The following PDE4B variants were observed in gnomAD, a reference collection of about 807,000 sequenced individuals.
PDE4B encodes phosphodiesterase 4B.
PDE4B carries 20 observed loss-of-function variants against 82.2 expected under a neutral mutation model. The ratio of observed to expected loss-of-function variants is 0.24; its 90% CI spans 0.17 to 0.35. The LOEUF is 0.35. PDE4B is among the 10% of genes least tolerant of loss of function. The probability of loss-of-function intolerance (pLI) is 1.00; values close to 1 mark genes in which losing one functional copy is unlikely to be tolerated. For synonymous variants in PDE4B, 320 were observed against 318.9 expected, an observed-to-expected ratio of 1.00 and a Z score of -0.04; for missense variants, 655 against 907.2, an observed-to-expected ratio of 0.72 and a Z score of 3.57.
At chr1:65,811,757 TTAA>T (rs1358696793) in intron 1 of PDE4B, among the ~76,000 whole-genome samples, 1 of 152,162 alleles carries the variant, frequency 6.6e-6, no homozygotes, top group Non-Finnish European at 1.5e-5. Flanking sequence ...AATATTAATA[TTAA>T]TGATAGTAAG....
intron 3 of PDE4B, among the ~76,000 whole-genome samples, chr1:66,014,384 T>C (rs1284371807): frequency 1.6e-4 from 24 of 152,140 alleles, no homozygotes; most frequent in Admixed American, 1.5e-3. Context: ...GTCATGAACC[T>C]TTTCCCCTAT....
intron 4 of PDE4B, among the ~76,000 whole-genome samples, chr1:66,253,520 A>G (rs767661920): frequency 3.3e-5 from 5 of 152,222 alleles, no homozygotes; most frequent in Non-Finnish European, 7.3e-5. Flanking sequence ...TGCTCTTGCA[A>G]TGCAATGATT....
chr1:66,298,425 TG>T (rs150637812), intron 7 of PDE4B, among the ~76,000 whole-genome samples: 4 of 152,324 alleles, frequency 2.6e-5, no homozygotes, highest in East Asian at 1.9e-4. Flanking sequence ...TTGTCATTTC[TG>T]GAACCCCTAC....
At position 66,369,934 on chromosome 1, in the gene PDE4B, G is replaced by A. The variant is rs141902398; in HGVS notation, c.1845+965G>A. ...AGGCTGAGGTGGACGGATCACCTGA[G>A]GTCAGGAGTTCAAAACCAGCCTGGC... On this transcript the variant is annotated intron_variant, in intron 16 of 16. Coordinates refer to ENST00000341517, the MANE Select transcript of PDE4B (RefSeq NM_002600.4). 7.5e-3 allele frequency among the ~76,000 whole-genome samples: 1,142 copies of A among 152,018 alleles called. 14 individuals carry two copies. The highest frequency in any genetic ancestry group is 0.026 in the African/African-American group (1,087 of 41,458).
intron 9 of PDE4B, among the ~76,000 whole-genome samples, chr1:66,361,329 TG>T (rs767927165): frequency 2.6e-5 from 4 of 152,186 alleles, no homozygotes; most frequent in Admixed American, 1.3e-4. Context: ...ACAGAAGATT[TG>T]GTCTTGGGTC....
At chr1:66,049,814 C>T (rs916771833) in intron 3 of PDE4B, among the ~76,000 whole-genome samples, 6 of 151,872 alleles carry the variant, frequency 4.0e-5, no homozygotes, top group African/African-American at 4.8e-5. Flanking sequence ...TTTCAACCAC[C>T]GTGTACATCC....
chr1:66,250,578 T>C (rs1653682912), intron 4 of PDE4B, among the ~76,000 whole-genome samples: 1 of 152,202 alleles, frequency 6.6e-6, no homozygotes, highest in Admixed American at 6.5e-5. Flanking sequence ...TATAGTGAAG[T>C]AAAGCAAGAT....
At chr1:66,338,509 T>G (rs1660695319) in intron 8 of PDE4B, among the ~76,000 whole-genome samples, 1 of 152,148 alleles carries the variant, frequency 6.6e-6, no homozygotes, top group Non-Finnish European at 1.5e-5. Flanking sequence ...GCAATCGCAA[T>G]TATAGAAAAT....
intron 3 of PDE4B, among the ~76,000 whole-genome samples, chr1:66,106,616 G>T (rs375371202): frequency 1.3e-5 from 2 of 151,476 alleles, no homozygotes; most frequent in African/African-American, 4.8e-5. Context: ...CAATTTCAGA[G>T]CCTGTTATTG....
At chr1:66,101,960 T>C (rs1374524136) in intron 3 of PDE4B, among the ~76,000 whole-genome samples, 2 of 152,214 alleles carry the variant, frequency 1.3e-5, no homozygotes, top group African/African-American at 2.4e-5. Context: ...GTTTTTATGC[T>C]TTTAGTTCTA....
chr1:65,998,329 A>C (rs1041348389), intron 3 of PDE4B, among the ~76,000 whole-genome samples: 7 of 151,986 alleles, frequency 4.6e-5, no homozygotes, highest in African/African-American at 1.7e-4. Context: ...GAAAGCTAGG[A>C]AGTAAGACTG....
intron 8 of PDE4B, among the ~76,000 whole-genome samples, chr1:66,340,497 G>A (rs918856002): frequency 1.3e-5 from 2 of 152,032 alleles, no homozygotes; most frequent in Admixed American, 1.3e-4. Flanking sequence ...TTGAAATCTA[G>A]AGCCCCCAAA....
At chr1:66,075,104 A>G (rs2100938847) in intron 3 of PDE4B, among the ~76,000 whole-genome samples, 1 of 152,098 alleles carries the variant, frequency 6.6e-6, no homozygotes, top group Middle Eastern at 3.4e-3. Context: ...GCTACTCCAC[A>G]GGCACTGTGC....
intron 1 of PDE4B, among the ~76,000 whole-genome samples, chr1:65,903,715 A>G (rs530598883): frequency 1.5e-4 from 23 of 152,286 alleles, no homozygotes; most frequent in Non-Finnish European, 3.4e-4. Context: ...ATTATGTGGC[A>G]TTCTAGTATT....
At chr1:65,945,167 G>C (rs547284569) in intron 3 of PDE4B, among the ~76,000 whole-genome samples, 9 of 152,002 alleles carry the variant, frequency 5.9e-5, no homozygotes, top group African/African-American at 2.2e-4. Context: ...TCATCCTAAA[G>C]TATAGGGTTC....
chr1:66,125,149 A>G (rs1183215088), intron 3 of PDE4B, among the ~76,000 whole-genome samples: 5 of 142,100 alleles, frequency 3.5e-5, no homozygotes, highest in Non-Finnish European at 7.5e-5. Context: ...GCAATTCATG[A>G]TGGCCCATAC....
chr1:66,200,478 G>A (rs1648798753), intron 3 of PDE4B, among the ~76,000 whole-genome samples: 1 of 152,168 alleles, frequency 6.6e-6, no homozygotes, highest in Admixed American at 6.5e-5. Context: ...CTACGCGTGA[G>A]CATGGAATGT....
At chr1:66,355,066 T>C in intron 8 of PDE4B, 1 of 562,788 alleles carries the variant, frequency 1.8e-6, no homozygotes, top group East Asian at 2.9e-5. Flanking sequence ...TATTTAAGTG[T>C]ACTATGCTGT....
At chr1:65,900,762 G>C (rs1646962807) in intron 1 of PDE4B, among the ~76,000 whole-genome samples, 1 of 151,962 alleles carries the variant, frequency 6.6e-6, no homozygotes, top group Non-Finnish European at 1.5e-5. Context: ...CAGATTGAAT[G>C]TTATTGGTGT....
Sources: gnomAD v4.1 joint callset for allele counts (sites outside exome capture counted in the v4.1 genomes callset) on GRCh38, gnomAD v4.1.1 for gene constraint, MANE v1.5 for transcripts, NCBI Gene and HGNC (gene_info 2026-07-23, HGNC 2026-07-21) for gene names.